Variants in NIPA2 observed in about 807,000 individuals in gnomAD.
The protein encoded by NIPA2 is NIPA magnesium transporter 2, also known as magnesium transporter NIPA2.
NIPA2 carries 11 observed loss-of-function variants against 29.7 expected under a neutral mutation model. That is an observed-to-expected ratio of 0.37 (90% CI 0.23 to 0.61). The LOEUF (loss-of-function observed/expected upper bound fraction) is 0.61, where lower values mean the gene tolerates loss of function less well. Ranked by LOEUF, NIPA2 falls within the 20% of genes least tolerant of loss-of-function variation. The probability of loss-of-function intolerance (pLI) is 0.66; values close to 1 mark genes in which losing one functional copy is unlikely to be tolerated. For missense variants in NIPA2, 426 were observed against 437.9 expected (o/e 0.97, Z 0.24); for synonymous variants, 183 against 161.9 (o/e 1.13, Z -0.99).
chr15:22,850,898 G>T (rs746704788), intron 3 of NIPA2, among the ~76,000 whole-genome samples: 18 of 152,162 alleles, frequency 1.2e-4, no homozygotes, highest in Non-Finnish European at 2.2e-4. Flanking sequence ...AAACCTTGTT[G>T]CTAAAAACTA....
chr15:22,858,731 A>G (rs1038539507), intron 6 of NIPA2, 101 bp downstream of exon 6: 4 of 711,610 alleles, frequency 5.6e-6, no homozygotes, highest in African/African-American at 3.7e-5. Context: ...TTACATTTCA[A>G]CAACCTGGAG....
At chr15:22,849,295 A>G (rs2057536445) in intron 3 of NIPA2, among the ~76,000 whole-genome samples, 1 of 152,056 alleles carries the variant, frequency 6.6e-6, no homozygotes, top group Non-Finnish European at 1.5e-5. Flanking sequence ...CTTTTTATGT[A>G]TATATCTGTT....
chr15:22,847,821 G>C (rs1019262560), intron 3 of NIPA2, among the ~76,000 whole-genome samples: 12 of 151,602 alleles, frequency 7.9e-5, no homozygotes, highest in Admixed American at 7.2e-4. Context: ...TTTTGAGACA[G>C]AGTTTCTATC....
chr15:22,855,922 C>T (rs1434294553), intron 5 of NIPA2, among the ~76,000 whole-genome samples: 1 of 152,216 alleles, frequency 6.6e-6, no homozygotes, highest in Non-Finnish European at 1.5e-5. Context: ...ACACCTTTCT[C>T]TAATCCCCTT....
intron 3 of NIPA2, among the ~76,000 whole-genome samples, chr15:22,849,964 G>A (rs2057605723): frequency 6.6e-6 from 1 of 152,000 alleles, no homozygotes; most frequent in Admixed American, 6.6e-5. Flanking sequence ...GAGCACTAAA[G>A]GTTGTATTTT....
intron 7 of NIPA2, among the ~76,000 whole-genome samples, chr15:22,862,064 T>TTTTTTTTTGG (rs2058665264): frequency 6.8e-6 from 1 of 147,860 alleles, no homozygotes; most frequent in Non-Finnish European, 1.5e-5. Context: ...TTTTTTTTTT[T>TTTTTTTTTGG]GAGACAGAGT....
chr15:22,841,509 A>AC (rs1179689445), intron 2 of NIPA2, among the ~76,000 whole-genome samples: 1 of 151,620 alleles, frequency 6.6e-6, no homozygotes, highest in Non-Finnish European at 1.5e-5. Context: ...TCTGACACTC[A>AC]CCTTTTTTTT....
At position 22,843,367 on chromosome 15, in the gene NIPA2, A is replaced by G. The variant is rs552937281; in HGVS notation, c.-215-1779A>G. The stretch of plus-strand genomic sequence containing the variant: ...AAAAATACAAAAAAATTAGCCATGC[A>G]TGGTGGTGGGTGCCTGTAGTCCCAG... On this transcript the variant is annotated intron_variant, in intron 2 of 7. Coordinates refer to ENST00000337451, the MANE Select transcript of NIPA2 (RefSeq NM_030922.7). 3.4e-4 allele frequency among the ~76,000 whole-genome samples: 51 copies of G among 150,440 alleles called. 3 individuals carry two copies. The South Asian group carries it at 9.6e-3, about 28-fold the overall frequency.
rs1341256946 is a variant in NIPA2 at position 22,853,217 on chromosome 15, G to A, written c.145G>A (p.Gly49Ser). The A allele has an allele frequency of 1.2e-6, 2 of 1,606,918 alleles. No individual in the cohort carries two copies. The highest frequency in any genetic ancestry group is 1.1e-5 in the South Asian group (1 of 90,878). Residue 49 changes from glycine to serine, a missense_variant, in exon 5 of 8, where the codon GGT becomes AGT. Physicochemically the swap from Gly to Ser is moderately conservative, Grantham distance 56 (BLOSUM62 0). This residue lies in a region of NIPA2 where 57 missense variants were observed against 66.6 expected (regional missense o/e 0.86). Transcript: ENST00000337451. The stretch of plus-strand genomic sequence containing the variant: ...AAATATTTCTTCATTCACAGGTCAA[G>A]GTGGCCATGCATATCTTAAGGAATG... Reference protein sequence around the residue: ...ARKGSMRAGQGGHAYLKEWLW... With the variant: ...ARKGSMRAGQSGHAYLKEWLW...
At chr15:22,840,371 C>T (rs1016005120) in intron 2 of NIPA2, among the ~76,000 whole-genome samples, 46 of 149,722 alleles carry the variant, frequency 3.1e-4, no homozygotes, top group Non-Finnish European at 2.5e-4. Flanking sequence ...GATCTCTGCT[C>T]ACTGCAACCT....
chr15:22,852,039 A>G (rs1029208350), intron 4 of NIPA2, among the ~76,000 whole-genome samples, 169 bp downstream of exon 4: 1 of 152,238 alleles, frequency 6.6e-6, no homozygotes. Flanking sequence ...TATTGAGAAA[A>G]GAAGTGAGAA....
At chr15:22,857,998 A>G (rs1479789033) in intron 5 of NIPA2, among the ~76,000 whole-genome samples, 1 of 152,144 alleles carries the variant, frequency 6.6e-6, no homozygotes, top group East Asian at 1.9e-4. Context: ...CATGAGCTAG[A>G]TTTCTTCCGT....
In NIPA2 at chr15:22,866,855, G is replaced by A. The variant is rs1007608298; in HGVS notation, c.*8G>A. ...AATCTGACAGCTTTTTAAGAAAGGTGTAATTAAAGGTTAATCTGTGATTGT... is the reference window on the plus strand; with the variant it reads ...AATCTGACAGCTTTTTAAGAAAGGTATAATTAAAGGTTAATCTGTGATTGT... On this transcript the variant is annotated 3_prime_UTR_variant, in exon 8 of 8. Coordinates refer to ENST00000337451, the MANE Select transcript of NIPA2 (RefSeq NM_030922.7). 15 of 1,537,422 alleles carry A rather than the reference G, an allele frequency of 9.8e-6. No homozygotes were observed. The African/African-American group carries it at 1.6e-4, about 17-fold the overall frequency.
At chr15:22,841,183 T>TA (rs1896998243) in intron 2 of NIPA2, among the ~76,000 whole-genome samples, 1 of 152,100 alleles carries the variant, frequency 6.6e-6, no homozygotes, top group Non-Finnish European at 1.5e-5. Flanking sequence ...CATGAGATGA[T>TA]AGATATGTTG....
intron 2 of NIPA2, among the ~76,000 whole-genome samples, chr15:22,840,671 C>T (rs1896839520): frequency 6.6e-6 from 1 of 152,114 alleles, no homozygotes; most frequent in Admixed American, 6.6e-5. Flanking sequence ...GTGTGGTCCT[C>T]TGCATGTGAC....
Position 22,851,396 on chromosome 15 carries a change from T to G in NIPA2, c.-93-243T>G, listed in dbSNP as rs7180477. On this transcript the variant is annotated intron_variant, in intron 3 of 7. Transcript: ENST00000337451. ...TATTAAGGCTAGAAACATTTTTTTT[T>G]AAAATATGGGATCAGAGTTTATGAA... Among the ~76,000 whole-genome samples the G allele has an allele frequency of 0.21, 32,483 of 152,030 alleles. 3,685 individuals carry two copies. Among genetic ancestry groups the G allele is most frequent in the Admixed American group, 0.31 (4,782 of 15,248 alleles).
At chr15:22,840,059 C>G (rs1896590712) in intron 2 of NIPA2, among the ~76,000 whole-genome samples, 1 of 151,874 alleles carries the variant, frequency 6.6e-6, no homozygotes, top group Non-Finnish European at 1.5e-5. Flanking sequence ...CAGCTGGGAC[C>G]ACAGACGTGC....
At chr15:22,859,538 C>T (rs542461650) in intron 6 of NIPA2, among the ~76,000 whole-genome samples, 220 of 152,286 alleles carry the variant, frequency 1.4e-3, no homozygotes, top group Middle Eastern at 0.01. Flanking sequence ...GTGATCCACC[C>T]GCCTTGGCCT....
In NIPA2 at chr15:22,866,403, G is replaced by A; in HGVS notation, c.639G>A (p.Leu213=). The A allele has an allele frequency of 1.9e-6, 3 of 1,614,054 alleles. No individual in the cohort carries two copies. Among genetic ancestry groups the A allele is most frequent in the Non-Finnish European group, 2.5e-6 (3 of 1,179,916 alleles). Residue 213 remains leucine, a synonymous_variant, in exon 8 of 8, where the codon CTG becomes CTA. Transcript: ENST00000337451. ...AGCTGTTTGCAGGGAAGCCTGTGCT[G>A]CGGCATCCCCTGGCTTGGATTCTGC... ...IKELFAGKPV[L]RHPLAWILLL...
Sources: allele counts gnomAD v4.1 joint callset (sites outside exome capture counted in the v4.1 genomes callset), GRCh38; gene constraint gnomAD v4.1.1; regional missense constraint gnomAD v4.1.1; transcripts MANE v1.5; gene names NCBI Gene and HGNC (gene_info 2026-07-23, HGNC 2026-07-21).